Variants in CRB1 observed in about 807,000 individuals in gnomAD.
CRB1 encodes crumbs cell polarity complex component 1, also known as protein crumbs homolog 1.
A neutral mutation model predicts 120.0 loss-of-function variants in CRB1; 83 were observed. The observed-to-expected ratio is 0.69, with a 90% CI of 0.58 to 0.83. The LOEUF (loss-of-function observed/expected upper bound fraction) is 0.83. Among genes scored for constraint, CRB1 ranks in the 40% least tolerant of loss-of-function variants. The probability of loss-of-function intolerance (pLI) is 0.00; values close to 1 mark genes in which losing one functional copy is unlikely to be tolerated. For missense variants in CRB1, 1,699 were observed against 1,687.6 expected, an observed-to-expected ratio of 1.01 and a Z score of -0.12; for synonymous variants, 625 against 612.5, an observed-to-expected ratio of 1.02 and a Z score of -0.30.
At chr1:197,353,113 G>A (rs1230876111) in intron 4 of CRB1, among the ~76,000 whole-genome samples, 3 of 152,270 alleles carry the variant, frequency 2.0e-5, no homozygotes, top group Non-Finnish European at 2.9e-5. Context: ...AAATTACAAT[G>A]AGAGCAATGA....
chr1:197,249,808 T>C, the CRB1 span, among the ~76,000 whole-genome samples: 3 of 151,964 alleles, frequency 2.0e-5, no homozygotes, highest in Non-Finnish European at 4.4e-5. Flanking sequence ...TACTCTGACA[T>C]TTTAAGTAGC....
chr1:197,232,744 A>G, the CRB1 span, among the ~76,000 whole-genome samples: 1 of 152,162 alleles, frequency 6.6e-6, no homozygotes, highest in African/African-American at 2.4e-5. Flanking sequence ...CAGTTCATCT[A>G]ATACTATCAC....
intron 5 of CRB1, chr1:197,413,947 AG>A (rs1247777535): frequency 2.2e-6 from 1 of 457,122 alleles, no homozygotes; most frequent in Non-Finnish European, 4.4e-6. Context: ...TTTAACAGAA[AG>A]ATGTTTGGAG....
the CRB1 span, among the ~76,000 whole-genome samples, chr1:197,209,443 T>C: frequency 6.6e-6 from 1 of 152,176 alleles, no homozygotes; most frequent in Admixed American, 6.5e-5. Context: ...CCTCCCAGGC[T>C]CAAGCAGTTC....
At chr1:197,243,701 G>C in the CRB1 span, among the ~76,000 whole-genome samples, 3 of 152,078 alleles carry the variant, frequency 2.0e-5, no homozygotes, top group Non-Finnish European at 4.4e-5. Context: ...GCTTGGTGTG[G>C]AACTGAGTTC....
At chr1:197,205,547 C>T in the CRB1 span, among the ~76,000 whole-genome samples, 6 of 152,240 alleles carry the variant, frequency 3.9e-5, no homozygotes, top group Non-Finnish European at 7.4e-5. Context: ...TGGTGTATCA[C>T]ATTTATTGAC....
chr1:197,446,986 TG>T (rs1665731872), intron 11 of CRB1, among the ~76,000 whole-genome samples: 1 of 152,232 alleles, frequency 6.6e-6, no homozygotes, highest in South Asian at 2.1e-4. Flanking sequence ...TTCCATTCTT[TG>T]TATATGTAAT....
chr1:197,214,827 A>G, the CRB1 span, among the ~76,000 whole-genome samples: 9 of 152,184 alleles, frequency 5.9e-5, no homozygotes, highest in African/African-American at 2.2e-4. Context: ...AACTCTTTTC[A>G]TGAGCCCAGC....
At chr1:197,378,146 A>G (rs1481429253) in intron 5 of CRB1, among the ~76,000 whole-genome samples, 2 of 152,216 alleles carry the variant, frequency 1.3e-5, no homozygotes, top group Non-Finnish European at 2.9e-5. Flanking sequence ...TTTAAAAAAG[A>G]GGAATGGTGG....
chr1:197,252,538 TTATATATATATATATATATATA>T, the CRB1 span, among the ~76,000 whole-genome samples: 18 of 27,820 alleles, frequency 6.5e-4, no homozygotes, highest in East Asian at 6.5e-3. Flanking sequence ...CCAATAGATT[TTATATATATATATATATATATA>T]TATATATATA....
chr1:197,213,337 A>G, the CRB1 span, among the ~76,000 whole-genome samples: 2 of 152,158 alleles, frequency 1.3e-5, no homozygotes, highest in Admixed American at 6.5e-5. Context: ...TTGCAAGAAG[A>G]AAGAGTCACA....
chr1:197,319,259 T>TAAA lies in CRB1; in HGVS notation c.71-9146_71-9144dup, dbSNP rs1284967148. On this transcript the variant is annotated intron_variant, in intron 1 of 11. Transcript: ENST00000367400. Reference sequence around the variant, plus strand: ...CAACATAGTGAAACCCTGTCTCTACTAAAAAAAAAAAAAAAAAAATTAGCC... The same window carrying TAAA: ...CAACATAGTGAAACCCTGTCTCTACTAAAAAAAAAAAAAAAAAAAAAATTAGCC... Among the ~76,000 whole-genome samples the TAAA allele has an allele frequency of 2.6e-4, 13 of 49,064 alleles. 1 individual carries two copies. The highest frequency in any genetic ancestry group is 1.1e-3 in the African/African-American group (13 of 11,412). 32.2% of individuals were successfully genotyped at this position (49,064 alleles called of 152,430 possible).
chr1:197,373,103 C>T (rs1661460256), intron 5 of CRB1, among the ~76,000 whole-genome samples: 2 of 152,090 alleles, frequency 1.3e-5, no homozygotes, highest in Admixed American at 1.3e-4. Flanking sequence ...ACTAGGGTGT[C>T]CCAACCCAGT....
Position 197,347,376 on chromosome 1 carries a change from G to A in CRB1, c.885G>A (p.Gly295=). Residue 295 remains glycine (G), a synonymous_variant, in exon 4 of 12, where the codon GGG becomes GGA. Transcript: ENST00000367400. ...ACTGCACGGGTAGTGGATTCACAGGGACACACTGTGAGACCTTGATGCCTC... is the reference window on the plus strand; with the variant it reads ...ACTGCACGGGTAGTGGATTCACAGGAACACACTGTGAGACCTTGATGCCTC... ...SCNCTGSGFT[G]THCETLMPLC... 4 of 1,614,004 alleles carry A rather than the reference G, an allele frequency of 2.5e-6. No individual in the cohort carries two copies. The highest frequency in any genetic ancestry group is 2.5e-6 in the Non-Finnish European group (3 of 1,179,910).
chr1:197,350,053 T>C (rs564016316), intron 4 of CRB1, among the ~76,000 whole-genome samples: 21 of 151,086 alleles, frequency 1.4e-4, no homozygotes, highest in Admixed American at 1.3e-3. Context: ...TGAGCCGAGA[T>C]TGCGCCACTG....
chr1:197,470,168 C>A (rs1666918403), intron 11 of CRB1, among the ~76,000 whole-genome samples: 1 of 152,206 alleles, frequency 6.6e-6, no homozygotes, highest in Non-Finnish European at 1.5e-5. Context: ...CTTTGTGGAA[C>A]AGACACTGTT....
chr1:197,474,762 G>C lies in CRB1; in HGVS notation c.4006-2902G>C, dbSNP rs1667127327. On this transcript the variant is annotated intron_variant, in intron 11 of 11. Transcript: ENST00000367400. ...GGGCACTCCCAACTCTCTCATCCAG[G>C]AGAACCGCCATTTACTCCAACAGAT... Among the ~76,000 whole-genome samples the C allele has an allele frequency of 3.9e-5, 6 of 152,262 alleles. No homozygotes were observed. The South Asian group carries it at 1.2e-3, about 32-fold the overall frequency.
the CRB1 span, among the ~76,000 whole-genome samples, chr1:197,251,566 A>G: frequency 6.6e-6 from 1 of 152,032 alleles, no homozygotes; most frequent in East Asian, 1.9e-4. Context: ...CTATTCCTCA[A>G]AATATCTCTT....
the CRB1 span, among the ~76,000 whole-genome samples, chr1:197,210,691 C>G: frequency 6.6e-6 from 1 of 152,008 alleles, no homozygotes; most frequent in African/African-American, 2.4e-5. Flanking sequence ...AACTTGAAAA[C>G]AATGTCATAT....
Sources: gnomAD v4.1 joint callset for allele counts (sites outside exome capture counted in the v4.1 genomes callset) on GRCh38, gnomAD v4.1.1 for gene constraint, MANE v1.5 for transcripts, NCBI Gene and HGNC (gene_info 2026-07-23, HGNC 2026-07-21) for gene names.